TRIQK: variants seen among roughly 807,000 people sequenced by gnomAD.
The protein encoded by TRIQK is triple QxxK/R motif containing.
In TRIQK, 10 loss-of-function variants were observed where a neutral mutation model predicts 10.8. That is an observed-to-expected ratio of 0.92 (90% confidence interval 0.57 to 1.57). The LOEUF (loss-of-function observed/expected upper bound fraction) is 1.57. Among genes scored for constraint, TRIQK ranks in the 40% most tolerant of loss-of-function variants. TRIQK has a pLI of 0.00. For missense variants in TRIQK, 107 were observed against 97.7 expected (o/e 1.09, Z -0.40); for synonymous variants, 33 against 33.7 (o/e 0.98, Z 0.07).
chr8:92,940,551 A>G (rs1811217512), intron 2 of TRIQK, among the ~76,000 whole-genome samples: 1 of 152,202 alleles, frequency 6.6e-6, no homozygotes. Context: ...TATAATAATA[A>G]ATGGACTTGT....
intron 2 of TRIQK, chr8:92,922,521 C>T (rs933897338): frequency 1.1e-4 from 17 of 151,708 alleles, no homozygotes; most frequent in Admixed American, 9.9e-4. Flanking sequence ...CATTATGCTT[C>T]CCCCAATTCC....
chr8:92,885,558 T>G lies in TRIQK; in HGVS notation c.*1064A>C, dbSNP rs1179670086. The G allele has an allele frequency of 6.6e-6, 1 of 152,106 alleles. No individual in the cohort carries two copies. Among genetic ancestry groups the G allele is most frequent in the Non-Finnish European group, 1.5e-5 (1 of 68,136 alleles). 9.4% of individuals were successfully genotyped at this position (152,106 alleles called of 1,614,324 possible). A position where few individuals can be genotyped will look rare whatever the true frequency, so the allele number is the denominator to read the frequency against. On this transcript the variant is annotated 3_prime_UTR_variant, in exon 5 of 5. Transcript: ENST00000521988. ...AAAAATTGAATTACCAGTAAAAATA[T>G]TGAATGTACAGGTCATTATGCTCCC...
intron 3 of TRIQK, among the ~76,000 whole-genome samples, chr8:92,897,698 A>T (rs1355018691): frequency 6.6e-6 from 1 of 152,164 alleles, no homozygotes; most frequent in African/African-American, 2.4e-5. Flanking sequence ...ATGGACTAAG[A>T]CATCATGTAA....
chr8:92,945,733 A>G (rs747619407), intron 2 of TRIQK, among the ~76,000 whole-genome samples: 6 of 152,196 alleles, frequency 3.9e-5, no homozygotes, highest in Non-Finnish European at 7.3e-5. Flanking sequence ...TATTCATTCT[A>G]GTTTTAGCAT....
At chr8:92,893,990 G>A (rs555574522) in intron 3 of TRIQK, among the ~76,000 whole-genome samples, 9 of 152,026 alleles carry the variant, frequency 5.9e-5, no homozygotes, top group African/African-American at 1.2e-4. Flanking sequence ...ATACTAAAAT[G>A]AGAATTTTTC....
chr8:92,889,350 T>G (rs1816646609), intron 4 of TRIQK, among the ~76,000 whole-genome samples: 1 of 151,670 alleles, frequency 6.6e-6, no homozygotes, highest in Non-Finnish European at 1.5e-5. Context: ...TGATCATGTC[T>G]TATTCATCTT....
intron 1 of TRIQK, among the ~76,000 whole-genome samples, chr8:93,009,662 C>A (rs1813312774): frequency 6.6e-6 from 1 of 151,284 alleles, no homozygotes; most frequent in Non-Finnish European, 1.5e-5. Flanking sequence ...GAAAAAAGAA[C>A]CCTTACACAG....
chr8:92,905,852 T>G (rs1809225698), intron 3 of TRIQK, among the ~76,000 whole-genome samples: 1 of 152,136 alleles, frequency 6.6e-6, no homozygotes, highest in South Asian at 2.1e-4. Flanking sequence ...GCAAGTAGCA[T>G]CTGCTAAGAA....
intron 1 of TRIQK, among the ~76,000 whole-genome samples, chr8:93,014,787 T>C (rs1813368022): frequency 6.6e-6 from 1 of 152,034 alleles, no homozygotes; most frequent in South Asian, 2.1e-4. Context: ...CTAACTTCAC[T>C]TTAGGTAATT....
At chr8:93,010,213 A>C (rs1244669030) in intron 1 of TRIQK, among the ~76,000 whole-genome samples, 1 of 152,168 alleles carries the variant, frequency 6.6e-6, no homozygotes, top group Non-Finnish European at 1.5e-5. Context: ...TAAGGTGACT[A>C]TAGATAACAA....
intron 1 of TRIQK, among the ~76,000 whole-genome samples, chr8:92,981,180 T>C (rs1812982423): frequency 6.6e-6 from 1 of 151,896 alleles, no homozygotes; most frequent in Non-Finnish European, 1.5e-5. Context: ...TTTTTTGTGA[T>C]TAATTTCTTG....
In TRIQK at chr8:92,959,058, G is replaced by A. The variant is rs143014556; in HGVS notation, c.-180-4494C>T. Among the ~76,000 whole-genome samples the A allele has an allele frequency of 3.5e-3, 531 of 151,598 alleles. 14 individuals are homozygous for A. Among genetic ancestry groups the A allele is most frequent in the Admixed American group, 0.031 (472 of 15,202 alleles). ...CCACATCACATATAAACAAATGAGC[G>A]TGATTGTTTTCTAATAAAACTTTAT... On this transcript the variant is annotated intron_variant, in intron 1 of 4. Coordinates refer to ENST00000521988, the MANE Select transcript of TRIQK (RefSeq NM_001171797.2).
chr8:93,011,205 CAT>C lies in TRIQK; in HGVS notation c.-181+6402_-181+6403del, dbSNP rs373752738. On this transcript the variant is annotated intron_variant, in intron 1 of 4. Coordinates refer to the TRIQK transcript ENST00000520686. ...ACACACACACACACACACACACACA[CAT>C]ATATATATATATATACAGGAGGTAT... 3.5e-3 allele frequency among the ~76,000 whole-genome samples: 427 copies of C among 121,516 alleles called. 1 individual carries two copies. The highest frequency in any genetic ancestry group is 0.017 in the East Asian group (59 of 3,512). 79.7% of individuals were successfully genotyped at this position (121,516 alleles called of 152,430 possible). A position where few individuals can be genotyped will look rare whatever the true frequency, so the allele number is the denominator to read the frequency against.
chr8:92,923,322 G>T (rs1468563401), intron 2 of TRIQK, among the ~76,000 whole-genome samples: 1 of 151,516 alleles, frequency 6.6e-6, no homozygotes, highest in Non-Finnish European at 1.5e-5. Context: ...TACAAGATCA[G>T]CCACAATTTA....
chr8:92,930,455 C>T (rs1263434454), intron 2 of TRIQK, among the ~76,000 whole-genome samples: 1 of 148,530 alleles, frequency 6.7e-6, no homozygotes, highest in African/African-American at 2.5e-5. Flanking sequence ...AAACTGCAGA[C>T]CCTGTTTTCA....
chr8:92,995,711 A>G (rs972858649), intron 1 of TRIQK, among the ~76,000 whole-genome samples: 3 of 152,090 alleles, frequency 2.0e-5, no homozygotes, highest in Non-Finnish European at 4.4e-5. Context: ...AACATATGTT[A>G]TAATTGACTC....
At chr8:92,938,978 T>C (rs1449398733) in intron 2 of TRIQK, among the ~76,000 whole-genome samples, 1 of 152,208 alleles carries the variant, frequency 6.6e-6, no homozygotes, top group Non-Finnish European at 1.5e-5. Context: ...CTATTTCTAT[T>C]GACTGTTTTT....
intron 4 of TRIQK, among the ~76,000 whole-genome samples, chr8:92,891,700 A>G (rs1439017336): frequency 1.3e-5 from 2 of 151,954 alleles, no homozygotes; most frequent in African/African-American, 2.4e-5. Flanking sequence ...GGCCACATAT[A>G]TCACTGAAAT....
chr8:92,979,943 A>G (rs1812969875), intron 1 of TRIQK, among the ~76,000 whole-genome samples: 1 of 152,096 alleles, frequency 6.6e-6, no homozygotes, highest in Non-Finnish European at 1.5e-5. Context: ...AACTGTATAT[A>G]TCATTTTATT....
Sources: allele counts gnomAD v4.1 joint callset (sites outside exome capture counted in the v4.1 genomes callset), GRCh38; gene constraint gnomAD v4.1.1; transcripts MANE v1.5; gene names NCBI Gene and HGNC (gene_info 2026-07-23, HGNC 2026-07-21).